The following DIAPH2 variants were observed in gnomAD, a reference collection of about 807,000 sequenced individuals.
DIAPH2 encodes the protein protein diaphanous homolog 2.
Under a neutral mutation model 92.7 loss-of-function variants are expected in DIAPH2, and 35 were observed. The observed-to-expected ratio is 0.38, with a 90% confidence interval of 0.29 to 0.50. The LOEUF (loss-of-function observed/expected upper bound fraction) is 0.50. Among genes scored for constraint, DIAPH2 ranks in the 20% least tolerant of loss-of-function variants. The pLI is 0.94. For synonymous variants in DIAPH2, 301 were observed against 280.4 expected, an observed-to-expected ratio of 1.07 and a Z score of -0.73; for missense variants, 701 against 819.5, an observed-to-expected ratio of 0.86 and a Z score of 1.77.
chrX:97,359,796 T>C (rs1465235252), intron 24 of DIAPH2, among the ~76,000 whole-genome samples: 1 of 109,809 alleles, frequency 9.1e-6, no homozygotes, highest in Non-Finnish European at 1.9e-5. Flanking sequence ...CAGGCTGGTC[T>C]TGAACTCTGG....
chrX:97,299,822 TAATA>T (rs2068678713), intron 23 of DIAPH2, among the ~76,000 whole-genome samples: 1 of 112,343 alleles, frequency 8.9e-6, no homozygotes, highest in African/African-American at 3.2e-5. Context: ...AGAATCTGCA[TAATA>T]AATGCCATTT....
intron 17 of DIAPH2, among the ~76,000 whole-genome samples, chrX:97,058,461 C>CTTTT (rs35551569): frequency 1.1e-5 from 1 of 89,399 alleles, no homozygotes. Flanking sequence ...TTCTTCTGGT[C>CTTTT]TTTTTTTTTT....
chrX:97,374,498 G>C (rs766725290), intron 24 of DIAPH2, among the ~76,000 whole-genome samples: 5 of 112,007 alleles, frequency 4.5e-5, no homozygotes, highest in Non-Finnish European at 9.4e-5. Flanking sequence ...TTGATTGGTT[G>C]ATGAAGTATT....
intron 23 of DIAPH2, among the ~76,000 whole-genome samples, chrX:97,251,902 G>T (rs2068192083): frequency 9.0e-6 from 1 of 111,689 alleles, no homozygotes; most frequent in Admixed American, 9.5e-5. Context: ...TCCTCCTGGT[G>T]TCCTTCAGCT....
At chrX:96,851,024 AC>A (rs1413752551) in intron 4 of DIAPH2, among the ~76,000 whole-genome samples, 2 of 111,795 alleles carry the variant, frequency 1.8e-5, no homozygotes, top group East Asian at 5.6e-4. Context: ...CATAGTGATG[AC>A]CCTGGGAGAG....
chrX:96,838,181 A>C (rs763540628), intron 4 of DIAPH2, among the ~76,000 whole-genome samples: 1 of 111,938 alleles, frequency 8.9e-6, no homozygotes, highest in Non-Finnish European at 1.9e-5. Context: ...TGAGTGACTA[A>C]ATTGATCAAA....
intron 17 of DIAPH2, among the ~76,000 whole-genome samples, chrX:97,030,113 T>G (rs181267555): frequency 8.9e-6 from 1 of 111,878 alleles, no homozygotes. Flanking sequence ...AATTAATTCA[T>G]ATTTATTAGA....
At chrX:96,782,397 G>A (rs1470743908) in intron 4 of DIAPH2, among the ~76,000 whole-genome samples, 2 of 112,187 alleles carry the variant, frequency 1.8e-5, no homozygotes, top group Non-Finnish European at 3.8e-5. Flanking sequence ...CGGGGTTCAC[G>A]CCATTCTCCT....
intron 4 of DIAPH2, among the ~76,000 whole-genome samples, chrX:96,777,843 T>A (rs2147621931): frequency 9.0e-6 from 1 of 111,605 alleles, no homozygotes; most frequent in East Asian, 2.8e-4. Flanking sequence ...TTAAAGAAAT[T>A]GATCAATTCT....
At chrX:96,843,731 C>CT (rs1192154601) in intron 4 of DIAPH2, among the ~76,000 whole-genome samples, 2 of 112,018 alleles carry the variant, frequency 1.8e-5, no homozygotes, top group Non-Finnish European at 3.8e-5. Flanking sequence ...CAGCTCCTCC[C>CT]TGCGGCAAAA....
chrX:97,453,267 C>G (rs2070374045), intron 26 of DIAPH2, among the ~76,000 whole-genome samples: 1 of 110,609 alleles, frequency 9.0e-6, no homozygotes, highest in Non-Finnish European at 1.9e-5. Flanking sequence ...TCACTCCATC[C>G]ATCCCTTAAA....
chrX:97,172,931 A>G lies in DIAPH2; in HGVS notation c.2719+31137A>G, dbSNP rs779027503. 2.7e-5 allele frequency among the ~76,000 whole-genome samples: 3 copies of G among 112,143 alleles called. No homozygotes were observed. In the Admixed American group the frequency reaches 2.8e-4, roughly 11 times the overall value. ...TCTCTGTCTCTGTGATATTCACGTC[A>G]TGTAGGTTTCCTATGTCCACGACTT... On this transcript the variant is annotated intron_variant, in intron 22 of 26. Coordinates refer to ENST00000324765, the MANE Select transcript of DIAPH2 (RefSeq NM_006729.5).
chrX:97,481,326 G>T, intron 26 of DIAPH2, among the ~76,000 whole-genome samples: 1 of 111,445 alleles, frequency 9.0e-6, no homozygotes, highest in Non-Finnish European at 1.9e-5. Context: ...CACACAAGAA[G>T]TACCAAGTGG....
At chrX:97,512,450 T>A (rs1226357076) in intron 26 of DIAPH2, among the ~76,000 whole-genome samples, 1 of 93,551 alleles carries the variant, frequency 1.1e-5, no homozygotes, top group Non-Finnish European at 2.2e-5. Context: ...TTGATCCTTT[T>A]AAAAAACCAG....
chrX:97,008,528 G>A (rs929476211), intron 17 of DIAPH2, among the ~76,000 whole-genome samples: 1 of 111,226 alleles, frequency 9.0e-6, no homozygotes, highest in Non-Finnish European at 1.9e-5. Context: ...TGTAGTCTTG[G>A]CACTCGGGGC....
chrX:97,383,299 C>T (rs148944724), intron 24 of DIAPH2, among the ~76,000 whole-genome samples: 2 of 111,089 alleles, frequency 1.8e-5, no homozygotes, highest in East Asian at 5.6e-4. Flanking sequence ...ATCATTATCA[C>T]CAGCACCAGG....
intron 10 of DIAPH2, among the ~76,000 whole-genome samples, chrX:96,931,286 G>T (rs2065617623): frequency 9.0e-6 from 1 of 111,409 alleles, no homozygotes; most frequent in Non-Finnish European, 1.9e-5. Flanking sequence ...TTGTTACAAG[G>T]CTATAGGAAC....
intron 17 of DIAPH2, among the ~76,000 whole-genome samples, chrX:97,055,275 A>G (rs1283299417): frequency 9.0e-6 from 1 of 110,857 alleles, no homozygotes; most frequent in Non-Finnish European, 1.9e-5. Flanking sequence ...TAACTGTAGA[A>G]TAAGTGAATT....
chrX:97,437,253 C>G (rs1351448013), intron 26 of DIAPH2, among the ~76,000 whole-genome samples: 1 of 112,029 alleles, frequency 8.9e-6, no homozygotes, highest in Non-Finnish European at 1.9e-5. Context: ...ATGTCAGAAT[C>G]TTATACTACC....
Sources: allele counts gnomAD v4.1 joint callset (sites outside exome capture counted in the v4.1 genomes callset), GRCh38; gene constraint gnomAD v4.1.1; transcripts MANE v1.5; gene names NCBI Gene and HGNC (gene_info 2026-07-23, HGNC 2026-07-21).